The following TBC1D9B variants were observed in gnomAD, a reference collection of about 807,000 sequenced individuals.
The protein encoded by TBC1D9B is TBC1 domain family, member 9B (with GRAM domain).
A neutral mutation model predicts 121.1 loss-of-function variants in TBC1D9B; 87 were observed. That is an observed-to-expected ratio of 0.72 (90% CI 0.60 to 0.86). The LOEUF is 0.86. TBC1D9B is among the 40% of genes least tolerant of loss of function. The pLI is 0.00. For missense variants in TBC1D9B, 1,540 were observed against 1,628.6 expected, an observed-to-expected ratio of 0.95 and a Z score of 0.94; for synonymous variants, 668 against 670.1, an observed-to-expected ratio of 1.00 and a Z score of 0.05.
chr5:179,870,573 C>T (rs1412691171), intron 15 of TBC1D9B, 78 bp from the exon 16 acceptor site: 2 of 1,497,172 alleles, frequency 1.3e-6, no homozygotes, highest in Non-Finnish European at 1.8e-6. Context: ...GTGGTGTGTC[C>T]ACCCTCCCCC....
intron 2 of TBC1D9B, 76 bp from the exon 3 acceptor site, chr5:179,899,383 T>A (rs1761109044): frequency 8.0e-7 from 1 of 1,254,198 alleles, no homozygotes; most frequent in Non-Finnish European, 1.2e-6. Flanking sequence ...AGAAGCGAGA[T>A]GAAAGTGGGT....
At chr5:179,869,038 A>C (rs1760105266) in intron 17 of TBC1D9B, 1 of 157,668 alleles carries the variant, frequency 6.3e-6, no homozygotes, top group African/African-American at 2.4e-5. Flanking sequence ...GGGCCCCATC[A>C]CAGGCAATCA....
intron 4 of TBC1D9B, among the ~76,000 whole-genome samples, chr5:179,893,689 C>T (rs1760936445): frequency 6.6e-6 from 1 of 152,130 alleles, no homozygotes; most frequent in African/African-American, 2.4e-5. Flanking sequence ...GAGTGTCTCC[C>T]CCACCAGTGG....
At position 179,891,435 on chromosome 5, in the gene TBC1D9B, T is replaced by C; in HGVS notation, c.988A>G (p.Ile330Val). 6.2e-7 allele frequency: 1 copy of C among 1,614,178 alleles called. No homozygotes were observed. Among genetic ancestry groups the C allele is most frequent in the Non-Finnish European group, 8.5e-7 (1 of 1,180,014 alleles). ...PGQMFISNNY[I>V]CFASKEEDAC... ...TCCTCCTCCTTGCTGGCGAAGCAGA[T>C]GTAGTTGTTGGAGATGAACATCTGG... Residue 330 changes from isoleucine to valine, a missense_variant, in exon 6 of 21, where the codon ATC becomes GTC. Ile to Val is a conservative substitution (Grantham distance 29). Coordinates refer to ENST00000355235, the MANE Select transcript of TBC1D9B (RefSeq NM_015043.4). This position sits in a 1 kb window ranked among gnomAD's most constrained non-coding sequence, Gnocchi z 4.3.
rs1760063206 is a variant in TBC1D9B at position 179,867,822 on chromosome 5, G to A, written c.2819C>T (p.Ala940Val). The change falls in exon 18 of 21, where the codon GCC becomes GTC. Residue 940 changes from alanine to valine, a missense_variant. By Grantham distance (64) the Ala-to-Val change is moderately conservative (BLOSUM62 0). Transcript: ENST00000355235. ...TGTGAAATAATGGGCCGCCTCCAGG[G>A]CTGACTCGGCTTCCTCTGGGCTCAG... Reference protein sequence around the residue: ...PALSPEEAESALEAAHYFTED... With the variant: ...PALSPEEAESVLEAAHYFTED... The A allele has an allele frequency of 6.5e-7, 1 of 1,528,428 alleles. No homozygotes were observed. Among genetic ancestry groups the A allele is most frequent in the Non-Finnish European group, 8.8e-7 (1 of 1,137,348 alleles). 94.7% of individuals were successfully genotyped at this position (1,528,428 alleles called of 1,614,324 possible).
intron 4 of TBC1D9B, 22 bp from the exon 5 acceptor site, chr5:179,893,489 C>G: frequency 6.4e-7 from 1 of 1,573,522 alleles, no homozygotes; most frequent in Non-Finnish European, 8.7e-7. Context: ...GAGATAGACA[C>G]ACCGCAAGTT....
chr5:179,862,747 C>CAA lies in TBC1D9B; in HGVS notation c.*700_*701insTT. On this transcript the variant is annotated 3_prime_UTR_variant, in exon 21 of 21. Coordinates refer to ENST00000355235, the MANE Select transcript of TBC1D9B (RefSeq NM_015043.4). ...GCATTGCACACAGTGGTTTTTATTT[C>CAA]TTTCAGGGATTTATTAAGGCATTGA... 5.4e-6 allele frequency: 2 copies of CAA among 372,556 alleles called. No homozygotes were observed. The highest frequency in any genetic ancestry group is 1.1e-5 in the Non-Finnish European group (2 of 178,224). 23.1% of individuals were successfully genotyped at this position (372,556 alleles called of 1,614,324 possible).
chr5:179,869,298 G>A (rs1183693143), intron 17 of TBC1D9B: 4 of 340,300 alleles, frequency 1.2e-5, no homozygotes, highest in Admixed American at 3.8e-5. Context: ...CCCCTGCACA[G>A]ACAGCCTGTC....
intron 7 of TBC1D9B, chr5:179,887,587 T>C (rs1016936831): frequency 6.1e-6 from 1 of 164,108 alleles, no homozygotes; most frequent in Non-Finnish European, 1.3e-5. Context: ...AAGAGTGACA[T>C]GTGTGACTTT....
In TBC1D9B at chr5:179,863,622, G is replaced by C; in HGVS notation, c.3528C>G (p.Asp1176Glu). ...SPTARIGGTV[D>E]TDWCISFEQI... ...GCTCAAAGGAGATGCACCAGTCGGT[G>C]TCGACGGTGCCGCCGATGCGCGCTG... The change falls in exon 21 of 21, where the codon GAC becomes GAG. Residue 1176 changes from aspartate (D) to glutamate (E), a missense_variant. Physicochemically the swap from Asp to Glu is conservative, Grantham distance 45 (BLOSUM62 2). Transcript: ENST00000355235. This position sits in a 1 kb window ranked among gnomAD's most constrained non-coding sequence, Gnocchi z 4.5. The C allele has an allele frequency of 6.2e-7, 1 of 1,613,850 alleles. No individual in the cohort carries two copies. Among genetic ancestry groups the C allele is most frequent in the Non-Finnish European group, 8.5e-7 (1 of 1,180,030 alleles).
At position 179,907,239 on chromosome 5, in the gene TBC1D9B, C is replaced by G. The variant is rs1761348199; in HGVS notation, c.118+465G>C. On this transcript the variant is annotated intron_variant, in intron 1 of 20. Transcript: ENST00000355235. This position sits in a 1 kb window ranked among gnomAD's most constrained non-coding sequence, Gnocchi z 5.3. Reference sequence around the variant, plus strand: ...CTCTGATCTTGCTAAAAGGGCGATACTTTGGTGAGATGGGCACGAAGAAGA... The same window carrying G: ...CTCTGATCTTGCTAAAAGGGCGATAGTTTGGTGAGATGGGCACGAAGAAGA... Among the ~76,000 whole-genome samples, 2 of 152,282 alleles carry G rather than the reference C, an allele frequency of 1.3e-5. No homozygotes were observed. Among genetic ancestry groups the G allele is most frequent in the South Asian group, 2.1e-4 (1 of 4,828 alleles).
At chr5:179,873,613 G>A (rs1484877460) in intron 12 of TBC1D9B, among the ~76,000 whole-genome samples, 1 of 152,186 alleles carries the variant, frequency 6.6e-6, no homozygotes, top group Non-Finnish European at 1.5e-5. Flanking sequence ...GGACCTTCTC[G>A]CCCTGGCCAA....
chr5:179,892,823 C>T (rs1760903265), intron 5 of TBC1D9B, among the ~76,000 whole-genome samples: 2 of 152,200 alleles, frequency 1.3e-5, no homozygotes, highest in Non-Finnish European at 2.9e-5. Flanking sequence ...TGTCAGAACA[C>T]CCTGGCTGAG....
At chr5:179,879,817 C>T (rs1362667984) in intron 7 of TBC1D9B, 28 bp from the exon 8 acceptor site, 4 of 1,582,380 alleles carry the variant, frequency 2.5e-6, no homozygotes, top group Non-Finnish European at 3.4e-6. Context: ...GAAGGGGACG[C>T]CCTAACAACT....
At position 179,904,725 on chromosome 5, in the gene TBC1D9B, T is replaced by C. The variant is rs1761264471; in HGVS notation, c.206A>G (p.Gln69Arg). 2.5e-6 allele frequency: 4 copies of C among 1,574,462 alleles called. No individual in the cohort carries two copies. Among genetic ancestry groups the C allele is most frequent in the Non-Finnish European group, 2.6e-6 (3 of 1,160,244 alleles). ...YRILHQTQDS[Q>R]VYWTVACGSS... is the part of the protein sequence containing the mutation. Reference sequence around the variant, plus strand: ...ACCACACGCCACTGTCCAGTAGACCTGGGAGTCCTGGGTCTGGTGCAGGAT... The same window carrying C: ...ACCACACGCCACTGTCCAGTAGACCCGGGAGTCCTGGGTCTGGTGCAGGAT... The change falls in exon 2 of 21, where the codon CAG becomes CGG. Residue 69 changes from glutamine (Q) to arginine (R), a missense_variant. Transcript: ENST00000355235. The surrounding 1 kb of genome is among the most constrained non-coding windows in gnomAD (Gnocchi z 4.2).
intron 8 of TBC1D9B, 41 bp downstream of exon 8, chr5:179,879,587 C>A (rs779677558): frequency 6.2e-7 from 1 of 1,612,978 alleles, no homozygotes; most frequent in Non-Finnish European, 8.5e-7. Flanking sequence ...CTGAGGGCTC[C>A]GCTCTTGACG....
Position 179,874,813 on chromosome 5 carries a change from C to T in TBC1D9B, c.2186+89G>A. Reference sequence around the variant, plus strand: ...GCTGCAGCCTGGCACTTGGTGGGCACAGTCACTTCAGGCTGACTGGACAGT... The same window carrying T: ...GCTGCAGCCTGGCACTTGGTGGGCATAGTCACTTCAGGCTGACTGGACAGT... On this transcript the variant is annotated intron_variant, in intron 12 of 20. Coordinates refer to ENST00000355235, the MANE Select transcript of TBC1D9B (RefSeq NM_015043.4). The surrounding 1 kb of genome is among the most constrained non-coding windows in gnomAD (Gnocchi z 4.3). 2 of 1,533,792 alleles carry T rather than the reference C, an allele frequency of 1.3e-6. No homozygotes were observed. The highest frequency in any genetic ancestry group is 1.8e-6 in the Non-Finnish European group (2 of 1,142,432).
chr5:179,867,527 G>A (rs1206254834), intron 18 of TBC1D9B: 12 of 1,555,786 alleles, frequency 7.7e-6, no homozygotes, highest in Non-Finnish European at 1.0e-5. Flanking sequence ...AGGCAGAGGG[G>A]CAGAGTGGGG....
Position 179,863,518 on chromosome 5 carries a change from T to TTGATCTTGAGTCCA in TBC1D9B, c.3618_3631dup (p.Lys1211MetfsTer59). 1 of 1,614,196 alleles carries TTGATCTTGAGTCCA rather than the reference T, an allele frequency of 6.2e-7. No homozygotes were observed. The highest frequency in any genetic ancestry group is 8.5e-7 in the Non-Finnish European group (1 of 1,180,036). ...CTGTCTCTCCACTTTCTTTTGGTCC[T>TTGATCTTGAGTCCA]TGATCTTGAGTCCAATGTCCACTCT... On this transcript the variant is annotated frameshift_variant, in exon 21 of 21. Transcript: ENST00000355235. LOFTEE classifies it high-confidence loss of function. This position sits in a 1 kb window ranked among gnomAD's most constrained non-coding sequence, Gnocchi z 4.5.
Sources: gnomAD v4.1 joint callset for allele counts (sites outside exome capture counted in the v4.1 genomes callset) on GRCh38, gnomAD v4.1.1 for gene constraint, Gnocchi (gnomAD v3.1) non-coding constraint, MANE v1.5 for transcripts, NCBI Gene and HGNC (gene_info 2026-07-23, HGNC 2026-07-21) for gene names.